SNTG1: variants seen among roughly 807,000 people sequenced by gnomAD.
The protein encoded by SNTG1 is syntrophin gamma 1.
A neutral mutation model predicts 74.7 loss-of-function variants in SNTG1; 39 were observed. The observed-to-expected ratio is 0.52, with a 90% CI of 0.40 to 0.68. The LOEUF is 0.68. Ranked by LOEUF, SNTG1 falls within the 30% of genes least tolerant of loss-of-function variation. The probability of loss-of-function intolerance (pLI) is 0.00; values close to 1 mark genes in which losing one functional copy is unlikely to be tolerated. For missense variants in SNTG1, 685 were observed against 609.5 expected, an observed-to-expected ratio of 1.12 and a Z score of -1.30; for synonymous variants, 254 against 217.1, an observed-to-expected ratio of 1.17 and a Z score of -1.49.
chr8:50,687,133 C>A lies in SNTG1; in HGVS notation c.1039-17467C>A, dbSNP rs867734699. ...GTCCGGCCTGGGCGACAGAGCGAGA[C>A]TCCGTCTCAAAAAAAAAAAATAAAA... On this transcript the variant is annotated intron_variant, in intron 15 of 18. Transcript: ENST00000642720. Among the ~76,000 whole-genome samples the A allele has an allele frequency of 5.5e-4, 72 of 131,556 alleles. 1 individual carries two copies. The highest frequency in any genetic ancestry group is 2.6e-3 in the South Asian group (10 of 3,914). 86.3% of individuals were successfully genotyped at this position (131,556 alleles called of 152,430 possible).
intron 15 of SNTG1, among the ~76,000 whole-genome samples, chr8:50,691,807 T>C (rs2095381165): frequency 6.6e-6 from 1 of 152,184 alleles, no homozygotes. Context: ...CCTTGCTAGA[T>C]TGGGGAAGTT....
In SNTG1 at chr8:50,092,866, C is replaced by T. The variant is rs186609641; in HGVS notation, c.-102-79695C>T. Among the ~76,000 whole-genome samples the T allele has an allele frequency of 1.2e-3, 181 of 152,212 alleles. 3 individuals are homozygous for T. Among genetic ancestry groups the T allele is most frequent in the Non-Finnish European group, 2.2e-4 (15 of 68,012 alleles). On this transcript the variant is annotated intron_variant, in intron 1 of 18. Coordinates refer to ENST00000642720, the MANE Select transcript of SNTG1 (RefSeq NM_018967.5). ...AGTAATGCAAAGATAAGAAAGACAA[C>T]ACTCCCAATAAAACATACTGTATTG... is the stretch of plus-strand genomic sequence containing the variant.
intron 4 of SNTG1, among the ~76,000 whole-genome samples, chr8:50,416,983 C>T (rs76648419): frequency 1.4e-3 from 216 of 152,172 alleles, no homozygotes; most frequent in East Asian, 9.7e-3. Context: ...GCACTTTGGA[C>T]ACTATAAATT....
chr8:50,111,150 T>C (rs1156726753), intron 1 of SNTG1, among the ~76,000 whole-genome samples: 2 of 152,124 alleles, frequency 1.3e-5, no homozygotes, highest in South Asian at 2.1e-4. Context: ...TAGTGTATTT[T>C]TGTTGTCATC....
At chr8:49,993,230 G>T (rs1813854431) in intron 1 of SNTG1, among the ~76,000 whole-genome samples, 1 of 152,078 alleles carries the variant, frequency 6.6e-6, no homozygotes, top group Non-Finnish European at 1.5e-5. Context: ...CCAGAGTGAG[G>T]TCAGGGCCAA....
At chr8:50,676,370 G>A (rs933452749) in intron 15 of SNTG1, among the ~76,000 whole-genome samples, 3 of 151,802 alleles carry the variant, frequency 2.0e-5, no homozygotes, top group Non-Finnish European at 4.4e-5. Context: ...TTTCAGCAAG[G>A]TGGTCTCCAA....
chr8:50,377,889 G>A (rs1361036668), intron 2 of SNTG1, among the ~76,000 whole-genome samples: 1 of 152,230 alleles, frequency 6.6e-6, no homozygotes, highest in African/African-American at 2.4e-5. Context: ...TGAAAAAGCA[G>A]AGTAGGTATA....
chr8:50,384,869 T>TGTACC (rs1052682685), intron 2 of SNTG1, among the ~76,000 whole-genome samples: 3 of 152,142 alleles, frequency 2.0e-5, no homozygotes, highest in African/African-American at 7.2e-5. Flanking sequence ...TTTGATGATG[T>TGTACC]GTACCCCTAA....
chr8:50,262,193 C>T (rs190292449), intron 2 of SNTG1, among the ~76,000 whole-genome samples: 79 of 152,022 alleles, frequency 5.2e-4, no homozygotes, highest in African/African-American at 1.8e-3. Flanking sequence ...TTGTAGAATG[C>T]CATGAAAGCA....
chr8:50,678,395 T>C (rs2095317582), intron 15 of SNTG1, among the ~76,000 whole-genome samples: 1 of 152,062 alleles, frequency 6.6e-6, no homozygotes, highest in Non-Finnish European at 1.5e-5. Flanking sequence ...CCAACTTTTC[T>C]GGACCAAGTT....
At chr8:49,961,115 GC>G (rs1382710131) in intron 1 of SNTG1, among the ~76,000 whole-genome samples, 1 of 152,114 alleles carries the variant, frequency 6.6e-6, no homozygotes, top group Non-Finnish European at 1.5e-5. Context: ...GTTTAGCTAA[GC>G]TTGGTTATGC....
intron 1 of SNTG1, among the ~76,000 whole-genome samples, chr8:50,096,752 C>G (rs1195654358): frequency 6.6e-6 from 1 of 152,042 alleles, no homozygotes; most frequent in African/African-American, 2.4e-5. Flanking sequence ...GTTTTTAGAA[C>G]AGCTCACAAA....
At chr8:50,736,624 T>C (rs903361198) in intron 17 of SNTG1, among the ~76,000 whole-genome samples, 1 of 152,078 alleles carries the variant, frequency 6.6e-6, no homozygotes, top group African/African-American at 2.4e-5. Context: ...AGAAGATACA[T>C]TCTTTTCAGC....
intron 9 of SNTG1, among the ~76,000 whole-genome samples, chr8:50,507,046 CA>C (rs1265311671): frequency 6.6e-6 from 1 of 151,884 alleles, no homozygotes; most frequent in Non-Finnish European, 1.5e-5. Context: ...TTGAATTTGG[CA>C]AATGCTTTTT....
intron 2 of SNTG1, among the ~76,000 whole-genome samples, chr8:50,282,638 C>T (rs907260947): frequency 2.6e-4 from 39 of 152,166 alleles, no homozygotes; most frequent in African/African-American, 5.1e-4. Context: ...TGGTGGCACA[C>T]GCTTGTAGTC....
intron 9 of SNTG1, among the ~76,000 whole-genome samples, chr8:50,524,220 A>G (rs1436628206): frequency 6.6e-6 from 1 of 152,090 alleles, no homozygotes; most frequent in Non-Finnish European, 1.5e-5. Flanking sequence ...TAATCACAGT[A>G]CACAGATCTT....
rs138052346 is a variant in SNTG1, at chr8:50,435,171, G to T, written c.163-3372G>T. 1.4e-3 allele frequency among the ~76,000 whole-genome samples: 216 copies of T among 152,146 alleles called. 1 individual carries two copies. The highest frequency in any genetic ancestry group is 5.0e-3 in the African/African-American group (208 of 41,512). On this transcript the variant is annotated intron_variant, in intron 4 of 18. Transcript: ENST00000642720. ...TTGATGTTGATTATTTAAGTGTGCA[G>T]CAAGTCTTTATACAGTCCGATATTA...
At chr8:50,382,290 G>GT (rs1003058876) in intron 2 of SNTG1, 1 of 151,842 alleles carries the variant, frequency 6.6e-6, no homozygotes, top group African/African-American at 2.4e-5. Flanking sequence ...TTTCCTTATA[G>GT]TTTTTATAGT....
intron 1 of SNTG1, among the ~76,000 whole-genome samples, chr8:50,001,481 A>G (rs960273333): frequency 6.6e-6 from 1 of 152,194 alleles, no homozygotes; most frequent in Admixed American, 6.5e-5. Context: ...AAGAGGGCCC[A>G]GAGGAGCCTG....
Sources: allele counts gnomAD v4.1 joint callset (sites outside exome capture counted in the v4.1 genomes callset), GRCh38; gene constraint gnomAD v4.1.1; transcripts MANE v1.5; gene names NCBI Gene and HGNC (gene_info 2026-07-23, HGNC 2026-07-21).